Variants in DPP6 observed in about 807,000 individuals in gnomAD.
The protein encoded by DPP6 is dipeptidyl peptidase like 6, also known as A-type potassium channel modulatory protein DPP6.
In DPP6, 69 loss-of-function variants were observed where a neutral mutation model predicts 122.6. The observed-to-expected ratio is 0.56, with a 90% CI of 0.46 to 0.69. The LOEUF is 0.69. Among genes scored for constraint, DPP6 ranks in the 30% least tolerant of loss-of-function variants. The pLI is 0.00. For synonymous variants in DPP6, 418 were observed against 433.1 expected (o/e 0.97, Z 0.43); for missense variants, 928 against 1,116.9 (o/e 0.83, Z 2.41).
At chr7:154,747,222 T>C (rs1220979509) in intron 8 of DPP6, among the ~76,000 whole-genome samples, 1 of 152,260 alleles carries the variant, frequency 6.6e-6, no homozygotes, top group Non-Finnish European at 1.5e-5. Flanking sequence ...TAATTGGCCC[T>C]GTACCACTTA....
chr7:154,578,462 C>T (rs1412123991), intron 5 of DPP6, among the ~76,000 whole-genome samples: 3 of 151,768 alleles, frequency 2.0e-5, no homozygotes, highest in African/African-American at 2.4e-5. Flanking sequence ...CCTTGGGTAC[C>T]GTCCTGGCAG....
chr7:154,060,740 CA>C, intron 1 of DPP6, among the ~76,000 whole-genome samples: 1 of 133,750 alleles, frequency 7.5e-6, no homozygotes, highest in African/African-American at 2.9e-5. Context: ...CCCCGCGAGG[CA>C]GGGACTGAGA....
At chr7:153,775,758 A>T in the DPP6 span, among the ~76,000 whole-genome samples, 1 of 152,186 alleles carries the variant, frequency 6.6e-6, no homozygotes, top group Non-Finnish European at 1.5e-5. Flanking sequence ...TCAAAACACA[A>T]AAATTAATTG....
intron 1 of DPP6, among the ~76,000 whole-genome samples, chr7:154,308,036 G>GC (rs1806516965): frequency 6.6e-6 from 1 of 151,970 alleles, no homozygotes; most frequent in Non-Finnish European, 1.5e-5. Flanking sequence ...ATCTTGTGAG[G>GC]CATTAACCAG....
At chr7:154,712,247 C>T (rs934718986) in intron 7 of DPP6, among the ~76,000 whole-genome samples, 1 of 152,128 alleles carries the variant, frequency 6.6e-6, no homozygotes, top group African/African-American at 2.4e-5. Flanking sequence ...CATTTTTGTA[C>T]ATGCACACCA....
At chr7:154,530,848 G>T (rs1301780203) in intron 3 of DPP6, among the ~76,000 whole-genome samples, 1 of 152,126 alleles carries the variant, frequency 6.6e-6, no homozygotes, top group Non-Finnish European at 1.5e-5. Flanking sequence ...TTTCTTCAGG[G>T]ACATGGATGG....
At chr7:154,525,299 A>G (rs940193115) in intron 3 of DPP6, among the ~76,000 whole-genome samples, 4 of 152,148 alleles carry the variant, frequency 2.6e-5, no homozygotes, top group African/African-American at 9.7e-5. Flanking sequence ...AAATACCACC[A>G]TACCCAGCTA....
intron 6 of DPP6, among the ~76,000 whole-genome samples, chr7:154,640,421 G>T (rs1836000189): frequency 6.6e-6 from 1 of 151,892 alleles, no homozygotes; most frequent in Non-Finnish European, 1.5e-5. Flanking sequence ...ACCTCTGGGG[G>T]TGCCAAAGTC....
chr7:154,872,522 C>T, intron 18 of DPP6, 102 bp from the exon 19 acceptor site: 1 of 1,491,178 alleles, frequency 6.7e-7, no homozygotes, highest in African/African-American at 1.4e-5. Context: ...CCCCTCAGGC[C>T]CCACCCAGAG....
At chr7:154,029,139 T>A (rs375365800) in intron 1 of DPP6, among the ~76,000 whole-genome samples, 6,479 of 148,936 alleles carry the variant, frequency 0.044, 122 homozygotes, top group South Asian at 0.072. Flanking sequence ...GTTCCATGTT[T>A]CCGATTTAAA....
intron 3 of DPP6, among the ~76,000 whole-genome samples, chr7:154,496,845 T>C (rs555870151): frequency 1.3e-5 from 2 of 152,324 alleles, no homozygotes; most frequent in South Asian, 4.1e-4. Context: ...CTGGTGTAGC[T>C]CAATCTTCCA....
Position 154,875,487 on chromosome 7 carries a change from G to A in DPP6, c.1884-419G>A, listed in dbSNP as rs529248926. 9.2e-5 allele frequency among the ~76,000 whole-genome samples: 14 copies of A among 152,342 alleles called. No homozygotes were observed. Among genetic ancestry groups the A allele is most frequent in the South Asian group, 6.2e-4 (3 of 4,828 alleles). On this transcript the variant is annotated intron_variant, in intron 19 of 25. Transcript: ENST00000377770. This position sits in a 1 kb window ranked among gnomAD's most constrained non-coding sequence, Gnocchi z 4.5. ...AGCCAGGGATGTGGCTAGAGTCAGC[G>A]CGGCCTTGTCACTTGTGATGGGTAC...
At chr7:154,763,356 G>A (rs1369894957) in intron 8 of DPP6, among the ~76,000 whole-genome samples, 1 of 24,532 alleles carries the variant, frequency 4.1e-5, no homozygotes, top group East Asian at 6.0e-4. Flanking sequence ...AGGAAGGAAG[G>A]AGAGAGAGAG....
rs1416449299 is a variant in DPP6 at position 154,890,252 on chromosome 7, C to G, written c.2451+722C>G. 4 of 152,002 alleles carry G rather than the reference C, an allele frequency of 2.6e-5. No homozygotes were observed. In the East Asian group the frequency reaches 7.7e-4, roughly 29 times the overall value. The allele number at this position is 152,002 out of a possible 1,614,324, so 9.4% of individuals were successfully genotyped here. A position where few individuals can be genotyped will look rare whatever the true frequency, so the allele number is the denominator to read the frequency against. ...AATGAATGGGAGAGCTCCTTGGGGA[C>G]AGATGACAGGCAGGCACCCTGCCTC... On this transcript the variant is annotated intron_variant, in intron 25 of 25. Transcript: ENST00000377770.
intron 1 of DPP6, among the ~76,000 whole-genome samples, chr7:154,139,702 T>C (rs2150658386): frequency 6.6e-6 from 1 of 152,032 alleles, no homozygotes; most frequent in Non-Finnish European, 1.5e-5. Context: ...GTGAAATGCA[T>C]TTGATCTCTT....
chr7:153,828,726 A>C, the DPP6 span, among the ~76,000 whole-genome samples: 1 of 152,162 alleles, frequency 6.6e-6, no homozygotes, highest in Non-Finnish European at 1.5e-5. Context: ...GAAGCTAGGA[A>C]TTTGCATTTT....
At chr7:154,462,698 G>A (rs4726421) in intron 2 of DPP6, among the ~76,000 whole-genome samples, 19,292 of 151,598 alleles carry the variant, frequency 0.13, 1,512 homozygotes, top group South Asian at 0.25. Flanking sequence ...TGTGCACAAC[G>A]TGCAGGTTTG....
intron 7 of DPP6, among the ~76,000 whole-genome samples, chr7:154,696,207 G>A (rs1042889213): frequency 2.0e-5 from 3 of 152,208 alleles, no homozygotes; most frequent in Admixed American, 2.0e-4. Flanking sequence ...GAGAGCTCTG[G>A]GCTTTTGTGA....
rs181681165 is a variant in DPP6, at chr7:154,060,995, T to G, written c.243+7932T>G. On this transcript the variant is annotated intron_variant, in intron 1 of 25. Transcript: ENST00000377770. ...GACCCACCTGGAGGACTGTGGGTAT[T>G]AGGTGTCCAAGTAGAGAGTTCAAAT... Among the ~76,000 whole-genome samples, 52 of 149,152 alleles carry G rather than the reference T, an allele frequency of 3.5e-4. 2 individuals are homozygous for G. Among genetic ancestry groups the G allele is most frequent in the Admixed American group, 2.1e-3 (32 of 15,084 alleles).
Sources: allele counts gnomAD v4.1 joint callset (sites outside exome capture counted in the v4.1 genomes callset), GRCh38; gene constraint gnomAD v4.1.1; non-coding constraint Gnocchi (gnomAD v3.1); transcripts MANE v1.5; gene names NCBI Gene and HGNC (gene_info 2026-07-23, HGNC 2026-07-21).